Variants in ZMYND8 observed in about 807,000 individuals in gnomAD.
The protein encoded by ZMYND8 is MYND-type zinc finger-containing chromatin reader ZMYND8.
A neutral mutation model predicts 140.8 loss-of-function variants in ZMYND8; 37 were observed. The observed-to-expected ratio is 0.26, with a 90% confidence interval of 0.20 to 0.35. The LOEUF (loss-of-function observed/expected upper bound fraction) is 0.35. ZMYND8 is among the 10% of genes least tolerant of loss of function. The pLI is 1.00. For missense variants in ZMYND8, 1,068 were observed against 1,570.0 expected (o/e 0.68, Z 5.40); for synonymous variants, 592 against 597.1 (o/e 0.99, Z 0.12).
At chr20:47,337,864 A>C (rs2081511755) in intron 2 of ZMYND8, among the ~76,000 whole-genome samples, 1 of 152,048 alleles carries the variant, frequency 6.6e-6, no homozygotes. Flanking sequence ...AATGGCAATG[A>C]CTGGCTTGGG....
In ZMYND8 at chr20:47,250,757, C is replaced by T. The variant is rs140721850; in HGVS notation, c.1622-1318G>A. Among the ~76,000 whole-genome samples the T allele has an allele frequency of 7.3e-3, 1,111 of 152,320 alleles. 18 individuals carry two copies. The highest frequency in any genetic ancestry group is 0.025 in the African/African-American group (1,043 of 41,566). Reference sequence around the variant, plus strand: ...CTGCATACCCAGAAATCAGCTCCTTCAAAGTAACTAGAAGCAGCCTCCCAA... The same window carrying T: ...CTGCATACCCAGAAATCAGCTCCTTTAAAGTAACTAGAAGCAGCCTCCCAA... On this transcript the variant is annotated intron_variant, in intron 12 of 22. Coordinates refer to ENST00000471951, the MANE Select transcript of ZMYND8 (RefSeq NM_001281775.3).
chr20:47,305,968 G>A (rs968930749), intron 3 of ZMYND8, among the ~76,000 whole-genome samples: 2 of 152,194 alleles, frequency 1.3e-5, no homozygotes, highest in Non-Finnish European at 2.9e-5. Context: ...AAAACGCCGA[G>A]AGCATCTTCC....
intron 6 of ZMYND8, among the ~76,000 whole-genome samples, 184 bp from the exon 7 acceptor site, chr20:47,290,458 G>T (rs193109029): frequency 7.8e-4 from 118 of 152,002 alleles, no homozygotes; most frequent in Middle Eastern, 3.4e-3. Context: ...TTTTATTTTT[G>T]AGATCTATAA....
At chr20:47,255,608 A>ATG in intron 12 of ZMYND8, among the ~76,000 whole-genome samples, 1 of 125,464 alleles carries the variant, frequency 8.0e-6, no homozygotes, top group African/African-American at 2.9e-5. Flanking sequence ...ATATATATAT[A>ATG]TACACACCAT....
chr20:47,239,915 G>A (rs910467272), intron 14 of ZMYND8, among the ~76,000 whole-genome samples: 1 of 152,200 alleles, frequency 6.6e-6, no homozygotes, highest in Non-Finnish European at 1.5e-5. Flanking sequence ...TATACTTGCA[G>A]ATGCTTTTTT....
intron 17 of ZMYND8, 75 bp from the exon 18 acceptor site, chr20:47,227,356 G>A: frequency 3.5e-6 from 5 of 1,414,310 alleles, no homozygotes; most frequent in South Asian, 2.3e-5. Flanking sequence ...GCTCAACCAC[G>A]GCTGGCTGTG....
At chr20:47,216,568 A>ATTACAAAGT (rs1341439954) in intron 21 of ZMYND8, among the ~76,000 whole-genome samples, 3 of 143,960 alleles carry the variant, frequency 2.1e-5, no homozygotes. Flanking sequence ...GCACTTTGGG[A>ATTACAAAGT]GGCCAAGGCA....
At chr20:47,269,413 T>A (rs1345578477) in intron 11 of ZMYND8, among the ~76,000 whole-genome samples, 1 of 152,168 alleles carries the variant, frequency 6.6e-6, no homozygotes, top group African/African-American at 2.4e-5. Context: ...TTCGAATCAC[T>A]CCAGACATTT....
At position 47,209,405 on chromosome 20, in the gene ZMYND8, C is replaced by T. The variant is rs983471337; in HGVS notation, c.*1356G>A. 3 of 151,916 alleles carry T rather than the reference C, an allele frequency of 2.0e-5. No homozygotes were observed. The highest frequency in any genetic ancestry group is 1.3e-4 in the Admixed American group (2 of 15,244). 9.4% of individuals were successfully genotyped at this position (151,916 alleles called of 1,614,324 possible). On this transcript the variant is annotated 3_prime_UTR_variant, in exon 23 of 23. Coordinates refer to ENST00000471951, the MANE Select transcript of ZMYND8 (RefSeq NM_001281775.3). ...TATACAAAGAAAATGTGAAAAAATACTTCCATATGCTAAAAGCAATTATGC... is the reference window on the plus strand; with the variant it reads ...TATACAAAGAAAATGTGAAAAAATATTTCCATATGCTAAAAGCAATTATGC...
At chr20:47,293,423 C>T (rs1371957688) in intron 5 of ZMYND8, among the ~76,000 whole-genome samples, 3 of 152,172 alleles carry the variant, frequency 2.0e-5, no homozygotes, top group African/African-American at 7.2e-5. Context: ...ACAGGTGAGG[C>T]ACCACTGTGA....
chr20:47,309,999 G>A (rs41282804), intron 3 of ZMYND8, 57 bp downstream of exon 3: 127,949 of 1,607,534 alleles, frequency 0.08, 6,329 homozygotes, highest in African/African-American at 0.23. Flanking sequence ...GAGGTTCAGC[G>A]CTACTAGCTG....
In ZMYND8 at chr20:47,333,724, C is replaced by CAAAAAAAA. The variant is rs57968979; in HGVS notation, c.85+14124_85+14131dup. ...CTGGTGACAGAGCGAGACTCCGTCT[C>CAAAAAAAA]AAAAAAAAAAAAAAAAAAAAAAAAA... On this transcript the variant is annotated intron_variant, in intron 2 of 22. Coordinates refer to ENST00000471951, the MANE Select transcript of ZMYND8 (RefSeq NM_001281775.3). 1.1e-3 allele frequency among the ~76,000 whole-genome samples: 32 copies of CAAAAAAAA among 29,742 alleles called. 4 individuals are homozygous for CAAAAAAAA. The highest frequency in any genetic ancestry group is 3.3e-3 in the African/African-American group (30 of 9,080). The allele number at this position is 29,742 out of a possible 152,430, so 19.5% of individuals were successfully genotyped here.
intron 3 of ZMYND8, among the ~76,000 whole-genome samples, chr20:47,304,208 G>A (rs1569149366): frequency 6.6e-6 from 1 of 152,156 alleles, no homozygotes; most frequent in Non-Finnish European, 1.5e-5. Context: ...AAGAGAAAAT[G>A]TTCTTATTTC....
chr20:47,351,753 A>G, intron 1 of ZMYND8: 4 of 985,440 alleles, frequency 4.1e-6, no homozygotes, highest in Non-Finnish European at 4.8e-6. Context: ...TTTATGCAGG[A>G]TTCTTAAAAT....
intron 5 of ZMYND8, among the ~76,000 whole-genome samples, chr20:47,293,041 C>G (rs1216660189): frequency 3.6e-5 from 5 of 138,144 alleles, no homozygotes; most frequent in Non-Finnish European, 7.8e-5. Flanking sequence ...GGCAACAAAG[C>G]AACAGTCTGC....
At chr20:47,316,989 C>T (rs1176549469) in intron 2 of ZMYND8, among the ~76,000 whole-genome samples, 10 of 152,126 alleles carry the variant, frequency 6.6e-5, no homozygotes, top group Admixed American at 6.5e-4. Flanking sequence ...GATTTCAACC[C>T]AGGCAGTGGG....
rs755208953 is a variant in ZMYND8, at chr20:47,246,061, C to T, written c.2231G>A (p.Arg744Gln). The T allele has an allele frequency of 6.4e-5, 103 of 1,612,924 alleles. No individual in the cohort carries two copies. Among genetic ancestry groups the T allele is most frequent in the Non-Finnish European group, 8.6e-5 (102 of 1,179,738 alleles). ...TTCCTTCTTATTTTTTCGACCCTCC[C>T]GCCCAGAATGGTCTTCTCCTAAATC... ...VIDLGEDHSGREGRKNKKEPK... is the reference protein window; with the variant it reads ...VIDLGEDHSGQEGRKNKKEPK... The change falls in exon 14 of 23, where the codon CGG (arginine) becomes CAG (glutamine). Residue 744 changes from arginine (R) to glutamine (Q), a missense_variant. Physicochemically the swap from Arg to Gln is conservative, Grantham distance 43 (BLOSUM62 1). Around this residue, in one of 10 missense-constraint regions of ZMYND8, gnomAD observed 383 missense variants for 431.2 expected, o/e 0.89. Coordinates refer to ENST00000471951, the MANE Select transcript of ZMYND8 (RefSeq NM_001281775.3).
At chr20:47,238,159 G>A (rs1365280925) in intron 15 of ZMYND8, 1 of 153,654 alleles carries the variant, frequency 6.5e-6, no homozygotes, top group Non-Finnish European at 1.4e-5. Flanking sequence ...ATTAGTAGAG[G>A]AATGCTTTAA....
intron 10 of ZMYND8, among the ~76,000 whole-genome samples, chr20:47,277,194 AG>A (rs2076307522): frequency 6.6e-6 from 1 of 152,268 alleles, no homozygotes. Context: ...CATTTGAAAT[AG>A]GAACAGAAGG....
Sources: allele counts gnomAD v4.1 joint callset (sites outside exome capture counted in the v4.1 genomes callset), GRCh38; gene constraint gnomAD v4.1.1; regional missense constraint gnomAD v4.1.1; transcripts MANE v1.5; gene names NCBI Gene and HGNC (gene_info 2026-07-23, HGNC 2026-07-21).